The following CNOT4 variants were observed in gnomAD, a reference collection of about 807,000 sequenced individuals.
CNOT4 encodes the protein CCR4-associated factor 4.
A neutral mutation model predicts 73.8 loss-of-function variants in CNOT4; 8 were observed. The observed-to-expected ratio is 0.11, with a 90% CI of 0.06 to 0.20. CNOT4 has a LOEUF of 0.20. Ranked by LOEUF, CNOT4 falls within the 10% of genes least tolerant of loss-of-function variation. CNOT4 has a pLI of 1.00. For missense variants in CNOT4, 564 were observed against 883.4 expected (o/e 0.64, Z 4.58); for synonymous variants, 293 against 321.1 (o/e 0.91, Z 0.94).
intron 10 of CNOT4, chr7:135,386,373 T>C (rs1216279665): frequency 6.6e-6 from 1 of 152,100 alleles, no homozygotes; most frequent in African/African-American, 2.4e-5. Context: ...GTATATTAAG[T>C]TTCCCTTGCA....
At chr7:135,500,983 C>CTTTT (rs869117346) in intron 1 of CNOT4, among the ~76,000 whole-genome samples, 1 of 134,526 alleles carries the variant, frequency 7.4e-6, no homozygotes, top group African/African-American at 2.8e-5. Context: ...TCTACTAAAC[C>CTTTT]TTTTTTTTTT....
chr7:135,496,518 TTCTC>T (rs1046646840), intron 1 of CNOT4, among the ~76,000 whole-genome samples: 1 of 152,146 alleles, frequency 6.6e-6, no homozygotes, highest in African/African-American at 2.4e-5. Flanking sequence ...AAAGGATTCT[TTCTC>T]TATTCTCATT....
At position 135,372,437 on chromosome 7, in the gene CNOT4, C is replaced by A. The variant is rs549720997; in HGVS notation, c.1628-8371G>T. 1.2e-4 allele frequency among the ~76,000 whole-genome samples: 18 copies of A among 152,270 alleles called. No individual in the cohort carries two copies. The South Asian group carries it at 3.3e-3, about 28-fold the overall frequency. On this transcript the variant is annotated intron_variant, in intron 10 of 11. Transcript: ENST00000541284. ...TCACTTTTTACAACTAGACTTTGAGCTCCTCTAGGAAAAGGACCTCGATTT... is the reference window on the plus strand; with the variant it reads ...TCACTTTTTACAACTAGACTTTGAGATCCTCTAGGAAAAGGACCTCGATTT...
At chr7:135,373,387 T>C (rs571990988) in intron 10 of CNOT4, among the ~76,000 whole-genome samples, 19 of 152,324 alleles carry the variant, frequency 1.2e-4, no homozygotes, top group African/African-American at 4.3e-4. Flanking sequence ...AAGGGAACTA[T>C]TAAGTCAGGA....
chr7:135,413,716 C>T (rs1218141164), intron 5 of CNOT4, 103 bp from the exon 6 acceptor site: 1 of 1,087,372 alleles, frequency 9.2e-7, no homozygotes, highest in Non-Finnish European at 1.3e-6. Flanking sequence ...AAATGAGGCA[C>T]AAACATGACA....
At chr7:135,421,497 C>T (rs1798192296) in intron 3 of CNOT4, among the ~76,000 whole-genome samples, 1 of 152,100 alleles carries the variant, frequency 6.6e-6, no homozygotes, top group Non-Finnish European at 1.5e-5. Context: ...ATCCAAGGGC[C>T]TCAAGGAAAG....
At chr7:135,407,087 G>A (rs1441337044) in intron 7 of CNOT4, among the ~76,000 whole-genome samples, 1 of 152,024 alleles carries the variant, frequency 6.6e-6, no homozygotes, top group South Asian at 2.1e-4. Flanking sequence ...CAGGAGATCT[G>A]GTCATTTAAA....
chr7:135,509,093 T>C (rs991933088), intron 1 of CNOT4: 1 of 152,198 alleles, frequency 6.6e-6, no homozygotes, highest in Admixed American at 6.5e-5. Flanking sequence ...ACTTCCCAAC[T>C]TCCTTTTACT....
chr7:135,414,317 G>C lies in CNOT4; in HGVS notation c.561+14C>G. On this transcript the variant is annotated intron_variant, in intron 5 of 11. Coordinates refer to ENST00000541284, the MANE Select transcript of CNOT4 (RefSeq NM_001190850.2). ...CCTTAAAAAAAAAAAAAAGAATCAA[G>C]AGGACTATATTACCTTAAGTGTTCT... The C allele has an allele frequency of 1.2e-6, 1 of 864,998 alleles. No homozygotes were observed. The allele number at this position is 864,998 out of a possible 1,614,324, so 53.6% of individuals were successfully genotyped here.
chr7:135,371,361 C>G (rs1795196983), intron 10 of CNOT4, among the ~76,000 whole-genome samples: 1 of 152,120 alleles, frequency 6.6e-6, no homozygotes, highest in African/African-American at 2.4e-5. Flanking sequence ...ATAATAAATG[C>G]TATTCTAGTA....
At chr7:135,468,453 G>C (rs1481461080) in intron 1 of CNOT4, among the ~76,000 whole-genome samples, 1 of 152,064 alleles carries the variant, frequency 6.6e-6, no homozygotes, top group Non-Finnish European at 1.5e-5. Flanking sequence ...GGCCAAGGCA[G>C]GTGGGTGACC....
At chr7:135,481,381 G>A (rs1326588619) in intron 1 of CNOT4, among the ~76,000 whole-genome samples, 1 of 152,110 alleles carries the variant, frequency 6.6e-6, no homozygotes, top group Non-Finnish European at 1.5e-5. Context: ...AAACCACAAT[G>A]AGATATTATC....
chr7:135,398,899 T>C (rs1796852489), intron 7 of CNOT4, among the ~76,000 whole-genome samples: 1 of 152,108 alleles, frequency 6.6e-6, no homozygotes, highest in South Asian at 2.1e-4. Context: ...GCAATATATT[T>C]CTTTTAATAT....
chr7:135,432,617 A>C lies in CNOT4; in HGVS notation c.174+5541T>G, dbSNP rs538175931. ...TGGGCACAGCTGTCATCCTTTCCCC[A>C]GGGGCTTCTCTCCTGTGTTGGATCT... is the stretch of plus-strand genomic sequence containing the variant. On this transcript the variant is annotated intron_variant, in intron 2 of 11. Coordinates refer to ENST00000541284, the MANE Select transcript of CNOT4 (RefSeq NM_001190850.2). Among the ~76,000 whole-genome samples, 6 of 152,226 alleles carry C rather than the reference A, an allele frequency of 3.9e-5. No individual in the cohort carries two copies. The East Asian group carries it at 9.7e-4, about 24-fold the overall frequency.
chr7:135,502,967 A>G (rs1321774908), intron 1 of CNOT4, among the ~76,000 whole-genome samples: 15 of 151,908 alleles, frequency 9.9e-5, no homozygotes, highest in Non-Finnish European at 1.5e-5. Flanking sequence ...AGCCTGGCCA[A>G]CATGGTGAAA....
intron 7 of CNOT4, among the ~76,000 whole-genome samples, chr7:135,406,353 G>A (rs1277659325): frequency 4.0e-5 from 5 of 126,340 alleles, no homozygotes; most frequent in Admixed American, 2.2e-4. Flanking sequence ...TGCAAAGCAT[G>A]TACACCTATG....
At chr7:135,382,898 T>A (rs777385149) in intron 10 of CNOT4, among the ~76,000 whole-genome samples, 1 of 152,174 alleles carries the variant, frequency 6.6e-6, no homozygotes, top group African/African-American at 2.4e-5. Flanking sequence ...CCCCTACAGA[T>A]ACCTAGGGAT....
At chr7:135,396,917 T>C (rs1337866702) in intron 8 of CNOT4, among the ~76,000 whole-genome samples, 1 of 152,154 alleles carries the variant, frequency 6.6e-6, no homozygotes, top group African/African-American at 2.4e-5. Context: ...ATTTTCAATA[T>C]AATTTTACTA....
In CNOT4 at chr7:135,362,867, A is replaced by G. The variant is rs2129482286; in HGVS notation, c.*18T>C. ...AGTGGGACAAATCCTGCATTTTCTAATGGTTGCTCCTCTTTGCCTAATGGC... is the reference window on the plus strand; with the variant it reads ...AGTGGGACAAATCCTGCATTTTCTAGTGGTTGCTCCTCTTTGCCTAATGGC... On this transcript the variant is annotated 3_prime_UTR_variant, in exon 12 of 12. Coordinates refer to ENST00000541284, the MANE Select transcript of CNOT4 (RefSeq NM_001190850.2). 5.6e-6 allele frequency: 9 copies of G among 1,607,062 alleles called. No individual in the cohort carries two copies. Among genetic ancestry groups the G allele is most frequent in the Non-Finnish European group, 6.8e-6 (8 of 1,174,218 alleles).
Sources: gnomAD v4.1 joint callset for allele counts (sites outside exome capture counted in the v4.1 genomes callset) on GRCh38, gnomAD v4.1.1 for gene constraint, MANE v1.5 for transcripts, NCBI Gene and HGNC (gene_info 2026-07-23, HGNC 2026-07-21) for gene names.